Variants in NTRK3 observed in about 807,000 individuals in gnomAD.
NTRK3 encodes neurotrophic receptor tyrosine kinase 3, also known as NT-3 growth factor receptor.
NTRK3 carries 24 observed loss-of-function variants against 91.7 expected under a neutral mutation model. The observed-to-expected ratio is 0.26, with a 90% CI of 0.19 to 0.37. The LOEUF (loss-of-function observed/expected upper bound fraction) is 0.37, where lower values mean the gene tolerates loss of function less well. Among genes scored for constraint, NTRK3 ranks in the 10% least tolerant of loss-of-function variants. The pLI is 1.00. For synonymous variants in NTRK3, 483 were observed against 404.0 expected, an observed-to-expected ratio of 1.20 and a Z score of -2.34; for missense variants, 880 against 1,068.9, an observed-to-expected ratio of 0.82 and a Z score of 2.46.
At chr15:88,163,175 C>T (rs2044624000) in intron 5 of NTRK3, among the ~76,000 whole-genome samples, 1 of 152,124 alleles carries the variant, frequency 6.6e-6, no homozygotes, top group South Asian at 2.1e-4. Flanking sequence ...CCAACACAGC[C>T]CCAATGGACT....
chr15:88,236,783 A>AC lies in NTRK3; in HGVS notation c.248+19122_248+19123insG, dbSNP rs1415046464. ...CTACCAAAATTAAAAAAAAAAAAAA[A>AC]AAAAAACACTACTCTCAAAAGTAGA... is the stretch of plus-strand genomic sequence containing the variant. On this transcript the variant is annotated intron_variant, in intron 3 of 18. Transcript: ENST00000394480. Among the ~76,000 whole-genome samples, 642 of 142,740 alleles carry AC rather than the reference A, an allele frequency of 4.5e-3. 1 individual carries two copies. Among genetic ancestry groups the AC allele is most frequent in the Middle Eastern group, 0.014 (4 of 280 alleles). 93.6% of individuals were successfully genotyped at this position (142,740 alleles called of 152,430 possible).
At chr15:88,193,937 C>T (rs2047612954) in intron 3 of NTRK3, among the ~76,000 whole-genome samples, 1 of 152,224 alleles carries the variant, frequency 6.6e-6, no homozygotes, top group African/African-American at 2.4e-5. Flanking sequence ...CCTGCAGGCC[C>T]TTCTTCCTCG....
At chr15:87,952,034 G>A (rs139331432) in intron 14 of NTRK3, among the ~76,000 whole-genome samples, 2,639 of 152,232 alleles carry the variant, frequency 0.017, 81 homozygotes, top group African/African-American at 0.061. Flanking sequence ...AGCTGAGGTG[G>A]GAGAATCGCT....
chr15:88,070,338 T>C (rs958611095), intron 13 of NTRK3, among the ~76,000 whole-genome samples: 1 of 151,838 alleles, frequency 6.6e-6, no homozygotes, highest in Non-Finnish European at 1.5e-5. Flanking sequence ...CCTGCCTTGA[T>C]CGTCCCCCAA....
At chr15:87,938,742 G>A (rs2069529902) in intron 15 of NTRK3, among the ~76,000 whole-genome samples, 1 of 152,186 alleles carries the variant, frequency 6.6e-6, no homozygotes, top group Non-Finnish European at 1.5e-5. Flanking sequence ...CCGTGGATTA[G>A]TGTCATCCTA....
intron 17 of NTRK3, among the ~76,000 whole-genome samples, chr15:87,922,977 C>T (rs192326698): frequency 2.2e-3 from 336 of 152,252 alleles, no homozygotes; most frequent in Non-Finnish European, 3.9e-3. Context: ...TCTTCCATTG[C>T]TTACAAAAGC....
At chr15:88,196,224 G>T (rs935558652) in intron 3 of NTRK3, among the ~76,000 whole-genome samples, 1 of 152,232 alleles carries the variant, frequency 6.6e-6, no homozygotes, top group Admixed American at 6.5e-5. Context: ...AGGAAAGGGA[G>T]TCCTTGACTT....
chr15:88,070,439 G>C (rs1334378012), intron 13 of NTRK3, among the ~76,000 whole-genome samples: 1 of 152,126 alleles, frequency 6.6e-6, no homozygotes, highest in Non-Finnish European at 1.5e-5. Flanking sequence ...CACATACAGA[G>C]TCATCACAGG....
At chr15:88,186,170 T>C (rs2046929101) in intron 3 of NTRK3, among the ~76,000 whole-genome samples, 2 of 152,210 alleles carry the variant, frequency 1.3e-5, no homozygotes, top group Admixed American at 1.3e-4. Flanking sequence ...TTGTACAGAA[T>C]ACTTCTCATT....
chr15:88,240,085 T>A lies in NTRK3; in HGVS notation c.248+15821A>T, dbSNP rs2052186224. On this transcript the variant is annotated intron_variant, in intron 3 of 18. Transcript: ENST00000394480. This position sits in a 1 kb window ranked among gnomAD's most constrained non-coding sequence, Gnocchi z 4.9. ...ACACACACACACACAGGAACAAGGT[T>A]CCCACGCACCTGTGTGCAGGAGCAC... Among the ~76,000 whole-genome samples the A allele has an allele frequency of 6.6e-6, 1 of 150,998 alleles. No individual in the cohort carries two copies. Among genetic ancestry groups the A allele is most frequent in the South Asian group, 2.1e-4 (1 of 4,696 alleles).
intron 14 of NTRK3, among the ~76,000 whole-genome samples, chr15:88,002,517 G>C (rs1001696193): frequency 6.6e-6 from 1 of 152,008 alleles, no homozygotes; most frequent in Non-Finnish European, 1.5e-5. Flanking sequence ...ACTAGAAGCT[G>C]ACATTCAGAG....
intron 13 of NTRK3, among the ~76,000 whole-genome samples, chr15:88,123,107 A>G (rs564377258): frequency 4.6e-5 from 7 of 152,318 alleles, no homozygotes; most frequent in African/African-American, 1.4e-4. Context: ...TTTGGAAGGC[A>G]ATAAAAGGAA....
At chr15:88,180,406 A>T (rs1344004391) in intron 5 of NTRK3, among the ~76,000 whole-genome samples, 1 of 152,230 alleles carries the variant, frequency 6.6e-6, no homozygotes, top group Non-Finnish European at 1.5e-5. Flanking sequence ...AGTCAAGAGG[A>T]GATGGTCAGT....
chr15:88,056,985 A>G (rs2045757013), intron 13 of NTRK3, among the ~76,000 whole-genome samples: 1 of 151,684 alleles, frequency 6.6e-6, no homozygotes, highest in African/African-American at 2.4e-5. Flanking sequence ...CCTCGCTAAC[A>G]CGGTGAAACC....
chr15:87,922,042 T>C (rs2067917235), intron 17 of NTRK3, among the ~76,000 whole-genome samples: 1 of 152,192 alleles, frequency 6.6e-6, no homozygotes, highest in Non-Finnish European at 1.5e-5. Flanking sequence ...ACTTATTAAA[T>C]GAGATTCCCA....
intron 6 of NTRK3, among the ~76,000 whole-genome samples, chr15:88,138,936 G>A (rs1483179483): frequency 6.6e-6 from 1 of 152,208 alleles, no homozygotes; most frequent in Non-Finnish European, 1.5e-5. Context: ...GAACGAGACT[G>A]ACTGACTGTC....
At chr15:88,150,815 G>A (rs1309911027) in intron 5 of NTRK3, among the ~76,000 whole-genome samples, 2 of 152,176 alleles carry the variant, frequency 1.3e-5, no homozygotes, top group Admixed American at 6.5e-5. Context: ...AGCAGAGCAT[G>A]CCTCTGGCCA....
intron 13 of NTRK3, among the ~76,000 whole-genome samples, chr15:88,110,619 T>A (rs12148667): frequency 6.6e-6 from 1 of 151,928 alleles, no homozygotes; most frequent in African/African-American, 2.4e-5. Flanking sequence ...AACAGTCTAC[T>A]TGGAGAGGCA....
At chr15:87,888,339 T>A (rs1158573615) in intron 17 of NTRK3, among the ~76,000 whole-genome samples, 1 of 152,154 alleles carries the variant, frequency 6.6e-6, no homozygotes. Flanking sequence ...TAAAATTCCT[T>A]TTATACCCAG....
Sources: allele counts gnomAD v4.1 joint callset (sites outside exome capture counted in the v4.1 genomes callset), GRCh38; gene constraint gnomAD v4.1.1; non-coding constraint Gnocchi (gnomAD v3.1); transcripts MANE v1.5; gene names NCBI Gene and HGNC (gene_info 2026-07-23, HGNC 2026-07-21).